The following TNIK variants were observed in gnomAD, a reference collection of about 807,000 sequenced individuals.
The protein encoded by TNIK is TRAF2 and NCK-interacting protein kinase.
A neutral mutation model predicts 191.3 loss-of-function variants in TNIK; 49 were observed. That is an observed-to-expected ratio of 0.26 (90% confidence interval 0.20 to 0.32). The LOEUF is 0.32. Ranked by LOEUF, TNIK falls within the 10% of genes least tolerant of loss-of-function variation. The probability of loss-of-function intolerance (pLI) is 1.00; values close to 1 mark genes in which losing one functional copy is unlikely to be tolerated. For missense variants in TNIK, 1,155 were observed against 1,702.3 expected (o/e 0.68, Z 5.66); for synonymous variants, 594 against 600.9 (o/e 0.99, Z 0.17).
chr3:171,357,237 G>C (rs898859804), intron 2 of TNIK, among the ~76,000 whole-genome samples: 2 of 151,870 alleles, frequency 1.3e-5, no homozygotes, highest in African/African-American at 2.4e-5. Context: ...CAGTTGAGAT[G>C]AAGCAAACCT....
chr3:171,426,405 T>C (rs1283680062), intron 1 of TNIK, among the ~76,000 whole-genome samples: 3 of 78,608 alleles, frequency 3.8e-5, no homozygotes, highest in Non-Finnish European at 4.6e-5. Flanking sequence ...GGGCCTGTTG[T>C]GGGGTGGGGG....
At chr3:171,413,207 G>A (rs1283409978) in intron 1 of TNIK, among the ~76,000 whole-genome samples, 2 of 152,088 alleles carry the variant, frequency 1.3e-5, no homozygotes, top group African/African-American at 2.4e-5. Flanking sequence ...CAACTCTAAT[G>A]GGTCCTTAAA....
intron 2 of TNIK, among the ~76,000 whole-genome samples, chr3:171,332,516 C>T (rs534977737): frequency 9.9e-5 from 15 of 152,282 alleles, no homozygotes; most frequent in Non-Finnish European, 1.5e-4. Context: ...ATGGCCGGAA[C>T]GCTGCCAGCT....
chr3:171,090,271 C>G (rs1197343916), intron 23 of TNIK, among the ~76,000 whole-genome samples: 1 of 152,162 alleles, frequency 6.6e-6, no homozygotes, highest in Non-Finnish European at 1.5e-5. Flanking sequence ...GCTGCCTGAG[C>G]TCCTGTCTGT....
chr3:171,139,370 GCA>G (rs1337330988), intron 14 of TNIK, 98 bp downstream of exon 14: 7 of 903,014 alleles, frequency 7.8e-6, no homozygotes, highest in African/African-American at 3.6e-5. Context: ...AAGGACACAC[GCA>G]CGCGCGCACA....
intron 5 of TNIK, among the ~76,000 whole-genome samples, chr3:171,193,957 G>C (rs996028656): frequency 6.6e-6 from 1 of 152,142 alleles, no homozygotes; most frequent in African/African-American, 2.4e-5. Flanking sequence ...CAAACAGGCA[G>C]TCTTGTTCAG....
At chr3:171,112,682 TCA>T (rs1407421019) in intron 18 of TNIK, among the ~76,000 whole-genome samples, 3 of 150,908 alleles carry the variant, frequency 2.0e-5, no homozygotes, top group Admixed American at 2.0e-4. Context: ...TACTGCATAT[TCA>T]GTTTTTTTTT....
chr3:171,253,998 C>G (rs1361045331), intron 2 of TNIK, among the ~76,000 whole-genome samples: 1 of 152,172 alleles, frequency 6.6e-6, no homozygotes, highest in Non-Finnish European at 1.5e-5. Flanking sequence ...ATGACTCAGA[C>G]AACCAGCCAT....
At chr3:171,454,565 T>C (rs1403946209) in intron 1 of TNIK, among the ~76,000 whole-genome samples, 1 of 152,224 alleles carries the variant, frequency 6.6e-6, no homozygotes, top group East Asian at 1.9e-4. Flanking sequence ...AAAATGATTA[T>C]GCATATTTCT....
intron 2 of TNIK, among the ~76,000 whole-genome samples, chr3:171,264,337 C>T (rs1393296085): frequency 2.0e-5 from 3 of 150,576 alleles, no homozygotes; most frequent in Non-Finnish European, 3.0e-5. Flanking sequence ...ACGTATAATA[C>T]ACACACACAC....
intron 1 of TNIK, among the ~76,000 whole-genome samples, chr3:171,397,649 A>G (rs1250353525): frequency 6.6e-6 from 1 of 152,220 alleles, no homozygotes; most frequent in African/African-American, 2.4e-5. Context: ...TACCAAAAAA[A>G]TTTACATTTG....
intron 2 of TNIK, among the ~76,000 whole-genome samples, chr3:171,296,182 G>T (rs1305734647): frequency 6.6e-6 from 1 of 152,128 alleles, no homozygotes; most frequent in Non-Finnish European, 1.5e-5. Context: ...GCCACGACCT[G>T]TGCTTGACCC....
At chr3:171,332,422 T>C (rs906772466) in intron 2 of TNIK, among the ~76,000 whole-genome samples, 2 of 152,224 alleles carry the variant, frequency 1.3e-5, no homozygotes, top group Non-Finnish European at 2.9e-5. Context: ...GCCAAACTTC[T>C]TTCCAGAAAA....
intron 15 of TNIK, 122 bp from the exon 16 acceptor site, chr3:171,129,000 T>C (rs954121848): frequency 5.8e-5 from 81 of 1,388,910 alleles, no homozygotes; most frequent in Middle Eastern, 2.0e-4. Flanking sequence ...CAACTGATTT[T>C]AAGAAGACAA....
chr3:171,278,121 C>T (rs1468984663), intron 2 of TNIK, among the ~76,000 whole-genome samples: 2 of 152,194 alleles, frequency 1.3e-5, no homozygotes, highest in African/African-American at 4.8e-5. Flanking sequence ...TGACATGCCT[C>T]GAGACCTAGT....
chr3:171,410,565 G>T (rs1338061036), intron 1 of TNIK, among the ~76,000 whole-genome samples: 1 of 152,026 alleles, frequency 6.6e-6, no homozygotes, highest in Admixed American at 6.5e-5. Context: ...GGATCACAAG[G>T]TCAGGAGATC....
chr3:171,351,030 A>G (rs760993179), intron 2 of TNIK, among the ~76,000 whole-genome samples: 12 of 152,086 alleles, frequency 7.9e-5, no homozygotes, highest in Non-Finnish European at 1.6e-4. Flanking sequence ...AGCTGGGACT[A>G]CAGGCACGTG....
At chr3:171,121,576 C>A (rs1727757433) in intron 18 of TNIK, among the ~76,000 whole-genome samples, 1 of 152,218 alleles carries the variant, frequency 6.6e-6, no homozygotes, top group African/African-American at 2.4e-5. Flanking sequence ...CTGCTCAGTG[C>A]AACTGCACGA....
At chr3:171,081,475 GACT>G (rs1443160748) in intron 27 of TNIK, among the ~76,000 whole-genome samples, 1 of 149,768 alleles carries the variant, frequency 6.7e-6, no homozygotes, top group African/African-American at 2.5e-5. Context: ...CAGAGATTCT[GACT>G]CTGGTCTGGG....
Sources: allele counts gnomAD v4.1 joint callset (sites outside exome capture counted in the v4.1 genomes callset), GRCh38; gene constraint gnomAD v4.1.1; transcripts MANE v1.5; gene names NCBI Gene and HGNC (gene_info 2026-07-23, HGNC 2026-07-21).